LRP5: variants seen among roughly 807,000 people sequenced by gnomAD.
The protein encoded by LRP5 is LDL receptor related protein 5, also known as low-density lipoprotein receptor-related protein 5.
A neutral mutation model predicts 154.1 loss-of-function variants in LRP5; 62 were observed. The ratio of observed to expected loss-of-function variants is 0.40; its 90% CI spans 0.33 to 0.50. The LOEUF (loss-of-function observed/expected upper bound fraction) is 0.50, where lower values mean the gene tolerates loss of function less well. Ranked by LOEUF, LRP5 falls within the 20% of genes least tolerant of loss-of-function variation. The pLI, the probability that LRP5 is intolerant of heterozygous loss-of-function variation, is 0.55. For missense variants in LRP5, 1,915 were observed against 2,336.7 expected, an observed-to-expected ratio of 0.82 and a Z score of 3.72; for synonymous variants, 966 against 1,011.5, an observed-to-expected ratio of 0.96 and a Z score of 0.85.
chr11:68,385,974 G>A (rs1319980203), intron 5 of LRP5, among the ~76,000 whole-genome samples: 1 of 152,148 alleles, frequency 6.6e-6, no homozygotes, highest in African/African-American at 2.4e-5. Context: ...CAGGAGAGGG[G>A]CTGGCAGGAG....
chr11:68,399,432 C>G (rs2098651404), intron 7 of LRP5, among the ~76,000 whole-genome samples: 2 of 152,068 alleles, frequency 1.3e-5, no homozygotes, highest in Non-Finnish European at 2.9e-5. Flanking sequence ...CAGTCACGTG[C>G]TCTCCATGCT....
chr11:68,305,370 G>A, the LRP5 span, among the ~76,000 whole-genome samples: 3 of 151,886 alleles, frequency 2.0e-5, no homozygotes, highest in Non-Finnish European at 1.5e-5. Flanking sequence ...CCGGCACCAT[G>A]CTTGTACAGC....
chr11:68,409,970 C>T lies in LRP5; in HGVS notation c.2148C>T (p.Gly716=), dbSNP rs1565087384. ...CGGTGGAGCACGTGGTGGAGTTTGG[C>T]CTTGACTACCCCGAGGGCATGGCCG... ...GSSVEHVVEF[G]LDYPEGMAVD... Residue 716 remains glycine (G), a synonymous_variant, in exon 10 of 23, where the codon GGC becomes GGT. Transcript: ENST00000294304. 1.9e-6 allele frequency: 3 copies of T among 1,614,082 alleles called. No individual in the cohort carries two copies. Among genetic ancestry groups the T allele is most frequent in the Non-Finnish European group, 2.5e-6 (3 of 1,180,020 alleles).
At chr11:68,350,944 G>A (rs1429569050) in intron 2 of LRP5, among the ~76,000 whole-genome samples, 4 of 152,138 alleles carry the variant, frequency 2.6e-5, no homozygotes, top group Non-Finnish European at 5.9e-5. Flanking sequence ...GTGTGAGCCT[G>A]TGTGTGTCCG....
intron 4 of LRP5, among the ~76,000 whole-genome samples, chr11:68,365,018 C>T (rs565134503): frequency 2.0e-5 from 3 of 152,186 alleles, no homozygotes; most frequent in Non-Finnish European, 4.4e-5. Flanking sequence ...GGGAGAGTGA[C>T]AAGCTTGGCC....
At chr11:68,390,434 G>T (rs1010032313) in intron 7 of LRP5, among the ~76,000 whole-genome samples, 1 of 152,248 alleles carries the variant, frequency 6.6e-6, no homozygotes, top group Non-Finnish European at 1.5e-5. Context: ...AAGACAAAAA[G>T]TTAATCACAT....
chr11:68,374,396 C>A (rs2098636194), intron 5 of LRP5, among the ~76,000 whole-genome samples: 1 of 152,174 alleles, frequency 6.6e-6, no homozygotes, highest in Non-Finnish European at 1.5e-5. Flanking sequence ...CAGTGATTGG[C>A]GTTGACTTTG....
intron 1 of LRP5, among the ~76,000 whole-genome samples, chr11:68,329,404 T>G (rs2098601498): frequency 6.6e-6 from 1 of 152,222 alleles, no homozygotes; most frequent in Non-Finnish European, 1.5e-5. Flanking sequence ...TCAATTAACT[T>G]GCTCAAATTT....
chr11:68,327,075 CGCCCGTCCCT>C (rs2098600126), intron 1 of LRP5, among the ~76,000 whole-genome samples: 2 of 152,176 alleles, frequency 1.3e-5, no homozygotes, highest in Non-Finnish European at 2.9e-5. Flanking sequence ...CAAGCTGTGC[CGCCCGTCCCT>C]GCCCGCCCCA....
intron 1 of LRP5, among the ~76,000 whole-genome samples, chr11:68,323,798 G>T (rs561430191): frequency 6.6e-6 from 1 of 152,352 alleles, no homozygotes; most frequent in South Asian, 2.1e-4. Context: ...ATTTGAACAC[G>T]AAGAGAGTGT....
chr11:68,412,518 G>A (rs963922367), intron 11 of LRP5, among the ~76,000 whole-genome samples: 1 of 152,046 alleles, frequency 6.6e-6, no homozygotes, highest in Admixed American at 6.6e-5. Context: ...GGTGGTTCAT[G>A]CCTGTAGTCC....
chr11:68,433,291 G>T (rs951546672), intron 17 of LRP5, among the ~76,000 whole-genome samples: 2 of 152,234 alleles, frequency 1.3e-5, no homozygotes, highest in African/African-American at 4.8e-5. Flanking sequence ...TGTATTTGGT[G>T]TAGCGCCTGC....
chr11:68,409,200 T>C (rs2098657858), intron 9 of LRP5, among the ~76,000 whole-genome samples: 1 of 109,102 alleles, frequency 9.2e-6, no homozygotes, highest in South Asian at 3.1e-4. Flanking sequence ...ATAAATTATA[T>C]TTATAAGTAA....
At chr11:68,374,967 G>A (rs2098636533) in intron 5 of LRP5, among the ~76,000 whole-genome samples, 1 of 152,198 alleles carries the variant, frequency 6.6e-6, no homozygotes, top group Admixed American at 6.5e-5. Context: ...TTTGTCCCCT[G>A]CAGCCTCTTC....
chr11:68,411,461 G>A lies in LRP5; in HGVS notation c.2344G>A (p.Gly782Ser), dbSNP rs537161896. ...KGYIYWTEWG[G>S]KPRIVRAFMD... The stretch of plus-strand genomic sequence containing the variant: ...CTACATCTACTGGACCGAGTGGGGC[G>A]GCAAGCCGAGGATCGTGCGGGCCTT... Residue 782 changes from glycine (G) to serine (S), a missense_variant, in exon 11 of 23, where the codon GGC (glycine) becomes AGC (serine). Physicochemically the swap from Gly to Ser is moderately conservative, Grantham distance 56 (BLOSUM62 0). Around this residue, in one of 3 missense-constraint regions of LRP5, gnomAD observed 773 missense variants for 1,100.9 expected, o/e 0.70. Coordinates refer to ENST00000294304, the MANE Select transcript of LRP5 (RefSeq NM_002335.4). 11 of 1,612,628 alleles carry A rather than the reference G, an allele frequency of 6.8e-6. No homozygotes were observed. The highest frequency in any genetic ancestry group is 1.3e-5 in the African/African-American group (1 of 75,032).
At position 68,315,406 on chromosome 11, in the gene LRP5, G is replaced by C. The variant is rs1164132673; in HGVS notation, c.91+2601G>C. Among the ~76,000 whole-genome samples, 5 of 152,348 alleles carry C rather than the reference G, an allele frequency of 3.3e-5. No individual in the cohort carries two copies. In the East Asian group the frequency reaches 7.7e-4, roughly 23 times the overall value. ...CACTCACTCACCGCTGCAGCCCTCG[G>C]GGGCAGGAGTAGTTAGTTAGCACTG... On this transcript the variant is annotated intron_variant, in intron 1 of 22. Transcript: ENST00000294304.
intron 10 of LRP5, among the ~76,000 whole-genome samples, chr11:68,410,409 G>A (rs572229206): frequency 6.6e-6 from 1 of 152,170 alleles, no homozygotes; most frequent in Non-Finnish European, 1.5e-5. Flanking sequence ...GCCTGCGTAG[G>A]GTGGGTATCT....
At chr11:68,422,859 G>A (rs1204111535) in intron 13 of LRP5, among the ~76,000 whole-genome samples, 6 of 54,006 alleles carry the variant, frequency 1.1e-4, no homozygotes, top group African/African-American at 2.7e-4. Flanking sequence ...CCACTCACCC[G>A]CCCCTGCACC....
chr11:68,448,689 C>T (rs2098682745), intron 22 of LRP5, 120 bp from the exon 23 acceptor site: 15 of 1,295,506 alleles, frequency 1.2e-5, no homozygotes, highest in Non-Finnish European at 1.6e-5. Flanking sequence ...CAGAGTCCGG[C>T]CTGCATCTTC....
Sources: allele counts gnomAD v4.1 joint callset (sites outside exome capture counted in the v4.1 genomes callset), GRCh38; gene constraint gnomAD v4.1.1; regional missense constraint gnomAD v4.1.1; transcripts MANE v1.5; gene names NCBI Gene and HGNC (gene_info 2026-07-23, HGNC 2026-07-21).